Variants in TMEM132C observed in about 807,000 individuals in gnomAD.
TMEM132C encodes protein phosphatase 1, regulatory subunit 152.
In TMEM132C, 29 loss-of-function variants were observed where a neutral mutation model predicts 61.4. The ratio of observed to expected loss-of-function variants is 0.47; its 90% CI spans 0.35 to 0.64. The LOEUF (loss-of-function observed/expected upper bound fraction) is 0.64. TMEM132C is among the 30% of genes least tolerant of loss of function. TMEM132C has a pLI of 0.00. For missense variants in TMEM132C, 1,408 were observed against 1,476.9 expected (o/e 0.95, Z 0.76); for synonymous variants, 656 against 633.1 (o/e 1.04, Z -0.54).
chr12:128,482,858 C>T (rs1312952114), intron 2 of TMEM132C, among the ~76,000 whole-genome samples: 1 of 152,106 alleles, frequency 6.6e-6, no homozygotes, highest in African/African-American at 2.4e-5. Flanking sequence ...CCAAGCCCTG[C>T]ACAGAGCAAG....
chr12:128,427,422 G>GTATA (rs1351397293), intron 2 of TMEM132C, among the ~76,000 whole-genome samples: 1 of 143,876 alleles, frequency 7.0e-6, no homozygotes, highest in African/African-American at 2.7e-5. Context: ...GTGTGTGTGT[G>GTATA]TGTGTGTATA....
chr12:128,706,171 G>A lies in TMEM132C; in HGVS notation c.3203G>A (p.Cys1068Tyr), dbSNP rs1021839072. ...ACCACCATCCCCCCGGACGACAGCT[G>A]CCCCACGGTGAACTCCATCGTCAGC... is the stretch of plus-strand genomic sequence containing the variant. Reference protein sequence around the residue: ...TFTTIPPDDSCPTVNSIVSSN... With the variant: ...TFTTIPPDDSYPTVNSIVSSN... Residue 1068 changes from cysteine (C) to tyrosine (Y), a missense_variant, in exon 9 of 9, where the codon TGC becomes TAC. By Grantham distance (194) the Cys-to-Tyr change is radical. Coordinates refer to ENST00000435159, the MANE Select transcript of TMEM132C (RefSeq NM_001136103.3). The A allele has an allele frequency of 3.7e-5, 58 of 1,550,740 alleles. No homozygotes were observed. Among genetic ancestry groups the A allele is most frequent in the Non-Finnish European group, 4.6e-5 (53 of 1,146,534 alleles).
intron 1 of TMEM132C, among the ~76,000 whole-genome samples, chr12:128,411,106 G>A (rs1868521726): frequency 6.6e-6 from 1 of 152,154 alleles, no homozygotes; most frequent in Non-Finnish European, 1.5e-5. Flanking sequence ...CATGTTGGGG[G>A]ACAGTTCTCT....
intron 1 of TMEM132C, among the ~76,000 whole-genome samples, chr12:128,341,497 T>C (rs1872976359): frequency 6.6e-6 from 1 of 152,210 alleles, no homozygotes; most frequent in Admixed American, 6.5e-5. Flanking sequence ...ACCACACTTT[T>C]GGGGGAAGTC....
intron 4 of TMEM132C, among the ~76,000 whole-genome samples, chr12:128,648,772 A>G (rs1954237314): frequency 6.7e-6 from 1 of 149,700 alleles, no homozygotes; most frequent in Admixed American, 6.6e-5. Flanking sequence ...GAGTGTGTTT[A>G]GCTCAGTCCA....
chr12:128,281,387 T>C (rs1410221034), intron 1 of TMEM132C, among the ~76,000 whole-genome samples: 1 of 152,192 alleles, frequency 6.6e-6, no homozygotes, highest in East Asian at 1.9e-4. Context: ...GTGGTTATAC[T>C]GGCCTGAATC....
intron 5 of TMEM132C, among the ~76,000 whole-genome samples, chr12:128,675,582 A>G (rs564169963): frequency 6.6e-6 from 1 of 152,280 alleles, no homozygotes; most frequent in African/African-American, 2.4e-5. Context: ...ACTGTTGTCA[A>G]TATTTACCCA....
At chr12:128,572,517 C>G (rs1234671933) in intron 3 of TMEM132C, among the ~76,000 whole-genome samples, 1 of 151,832 alleles carries the variant, frequency 6.6e-6, no homozygotes, top group East Asian at 1.9e-4. Context: ...GTGGCCTCTG[C>G]TGGCCTCTGA....
intron 1 of TMEM132C, among the ~76,000 whole-genome samples, chr12:128,406,848 A>C (rs1219595367): frequency 6.6e-6 from 1 of 152,190 alleles, no homozygotes; most frequent in Non-Finnish European, 1.5e-5. Context: ...GTGGACCAGA[A>C]CATCTAGAAC....
chr12:128,633,299 C>T (rs531155909), intron 4 of TMEM132C, among the ~76,000 whole-genome samples: 38 of 152,228 alleles, frequency 2.5e-4, no homozygotes, highest in African/African-American at 7.9e-4. Context: ...ACATTGACAG[C>T]CCTGATTCAG....
chr12:128,483,722 C>T (rs997018575), intron 2 of TMEM132C, among the ~76,000 whole-genome samples: 1 of 151,976 alleles, frequency 6.6e-6, no homozygotes, highest in East Asian at 1.9e-4. Flanking sequence ...GGGAAATTGT[C>T]CAGGAATGGA....
intron 1 of TMEM132C, among the ~76,000 whole-genome samples, chr12:128,392,427 A>G (rs1351221623): frequency 1.3e-5 from 2 of 152,124 alleles, no homozygotes; most frequent in African/African-American, 2.4e-5. Context: ...CCAGAACGTC[A>G]TGGAGGAGCA....
chr12:128,619,697 G>T (rs1036790566), intron 4 of TMEM132C, among the ~76,000 whole-genome samples: 5 of 152,220 alleles, frequency 3.3e-5, no homozygotes, highest in Non-Finnish European at 7.3e-5. Context: ...TAGGCTTGGG[G>T]GATGGGGTGA....
chr12:128,353,842 C>T (rs1448050842), intron 1 of TMEM132C, among the ~76,000 whole-genome samples: 4 of 152,182 alleles, frequency 2.6e-5, no homozygotes, highest in Non-Finnish European at 5.9e-5. Context: ...CTGAAAACAG[C>T]ACCCAGCACA....
intron 3 of TMEM132C, among the ~76,000 whole-genome samples, chr12:128,609,432 T>A (rs2135579459): frequency 6.6e-6 from 1 of 151,748 alleles, no homozygotes; most frequent in Non-Finnish European, 1.5e-5. Context: ...GTTTTGTTTG[T>A]TTGTTTGTGG....
intron 1 of TMEM132C, among the ~76,000 whole-genome samples, chr12:128,327,754 G>A (rs1872571006): frequency 1.3e-5 from 2 of 152,050 alleles, no homozygotes; most frequent in Non-Finnish European, 2.9e-5. Flanking sequence ...ACATTGGTTC[G>A]GTCCAGAAAG....
chr12:128,310,750 T>G (rs1189721357), intron 1 of TMEM132C, among the ~76,000 whole-genome samples: 1 of 152,068 alleles, frequency 6.6e-6, no homozygotes, highest in Non-Finnish European at 1.5e-5. Flanking sequence ...CCAGTGGGGA[T>G]GGAGAGAAGT....
intron 1 of TMEM132C, among the ~76,000 whole-genome samples, chr12:128,346,967 T>C (rs1369399047): frequency 6.6e-6 from 1 of 152,198 alleles, no homozygotes; most frequent in Non-Finnish European, 1.5e-5. Flanking sequence ...AACAGGTTGT[T>C]TTTGGTTACA....
chr12:128,312,404 C>T (rs1432906738), intron 1 of TMEM132C, among the ~76,000 whole-genome samples: 1 of 152,136 alleles, frequency 6.6e-6, no homozygotes, highest in African/African-American at 2.4e-5. Flanking sequence ...TTCCCAGGCT[C>T]AGGTGATCCT....
Sources: allele counts gnomAD v4.1 joint callset (sites outside exome capture counted in the v4.1 genomes callset), GRCh38; gene constraint gnomAD v4.1.1; transcripts MANE v1.5; gene names NCBI Gene and HGNC (gene_info 2026-07-23, HGNC 2026-07-21).